Variants in PTPRA observed in about 807,000 individuals in gnomAD.
The protein encoded by PTPRA is protein tyrosine phosphatase receptor type A.
Under a neutral mutation model 104.8 loss-of-function variants are expected in PTPRA, and 25 were observed. The ratio of observed to expected loss-of-function variants is 0.24; its 90% CI spans 0.17 to 0.33. The LOEUF is 0.33. Among genes scored for constraint, PTPRA ranks in the 10% least tolerant of loss-of-function variants. The pLI is 1.00. For missense variants in PTPRA, 765 were observed against 1,015.3 expected (o/e 0.75, Z 3.35); for synonymous variants, 323 against 368.9 (o/e 0.88, Z 1.43).
intron 5 of PTPRA, among the ~76,000 whole-genome samples, chr20:2,970,791 G>T (rs1377600832): frequency 1.3e-5 from 2 of 150,500 alleles, no homozygotes; most frequent in African/African-American, 5.0e-5. Context: ...TTTTCTTCTG[G>T]ACTTCTATGG....
rs371202654 is a variant in PTPRA at position 2,896,236 on chromosome 20, G to T, written c.-129+22476G>T. 2.6e-5 allele frequency among the ~76,000 whole-genome samples: 4 copies of T among 151,990 alleles called. No homozygotes were observed. The East Asian group carries it at 7.7e-4, about 29-fold the overall frequency. ...CTAAAAATACAAAAAAAATTTAGCC[G>T]GGCATGGTGGTGGGTGCCTGTAATC... On this transcript the variant is annotated intron_variant, in intron 1 of 23. Coordinates refer to ENST00000399903, the MANE Select transcript of PTPRA (RefSeq NM_001385305.1).
chr20:3,016,001 T>C (rs1415406952), intron 12 of PTPRA, 116 bp downstream of exon 12: 1 of 985,146 alleles, frequency 1.0e-6, no homozygotes, highest in Non-Finnish European at 1.5e-6. Flanking sequence ...TTCTGTACTT[T>C]TTACCACCTG....
At chr20:2,955,815 C>T (rs1489305687) in intron 3 of PTPRA, 3 of 426,882 alleles carry the variant, frequency 7.0e-6, no homozygotes, top group Non-Finnish European at 9.4e-6. Context: ...CTGTCTTCTT[C>T]CCTTTTTTTG....
intron 1 of PTPRA, among the ~76,000 whole-genome samples, chr20:2,874,348 A>AT (rs548056783): frequency 3.3e-5 from 5 of 151,860 alleles, no homozygotes; most frequent in African/African-American, 4.8e-5. Context: ...TAAATAAAAA[A>AT]TTTTTTTTGA....
chr20:2,951,108 CT>C (rs796830203), intron 3 of PTPRA, among the ~76,000 whole-genome samples: 2,919 of 147,622 alleles, frequency 0.02, 94 homozygotes, highest in African/African-American at 0.064. Context: ...TTCTTTCTTT[CT>C]TTTTTTTTTA....
chr20:3,035,735 T>C lies in PTPRA; in HGVS notation c.2046+25T>C, dbSNP rs2065766386. 1.2e-6 allele frequency: 2 copies of C among 1,614,082 alleles called. No individual in the cohort carries two copies. Among genetic ancestry groups the C allele is most frequent in the Middle Eastern group, 1.6e-4 (1 of 6,080 alleles). On this transcript the variant is annotated intron_variant, in intron 21 of 23. Coordinates refer to ENST00000399903, the MANE Select transcript of PTPRA (RefSeq NM_001385305.1). This position sits in a 1 kb window ranked among gnomAD's most constrained non-coding sequence, Gnocchi z 5.8. Reference sequence around the variant, plus strand: ...GGTAAGATGGGTCGTGGGTGGACTCTGCCCACAGGAAAAGCAGGGTTACCC... The same window carrying C: ...GGTAAGATGGGTCGTGGGTGGACTCCGCCCACAGGAAAAGCAGGGTTACCC...
intron 1 of PTPRA, among the ~76,000 whole-genome samples, chr20:2,909,594 A>C (rs992432627): frequency 2.0e-5 from 3 of 151,606 alleles, no homozygotes; most frequent in Non-Finnish European, 4.4e-5. Flanking sequence ...AAAAACCAAA[A>C]CAAAACAAAC....
At chr20:2,936,361 C>T (rs2060701344) in intron 2 of PTPRA, among the ~76,000 whole-genome samples, 2 of 151,992 alleles carry the variant, frequency 1.3e-5, no homozygotes, top group Non-Finnish European at 2.9e-5. Context: ...CAGGGTCTTG[C>T]TATGTTGCCC....
At chr20:2,929,729 G>A (rs1204368348) in intron 2 of PTPRA, among the ~76,000 whole-genome samples, 1 of 152,158 alleles carries the variant, frequency 6.6e-6, no homozygotes, top group Non-Finnish European at 1.5e-5. Context: ...AGAGCCTGAA[G>A]TGGGAGGATT....
intron 1 of PTPRA, among the ~76,000 whole-genome samples, chr20:2,878,389 A>C (rs902654418): frequency 6.6e-6 from 1 of 151,818 alleles, no homozygotes; most frequent in African/African-American, 2.4e-5. Flanking sequence ...TAATTTTTTT[A>C]TTTTTTGTAG....
chr20:2,921,283 A>G (rs911856580), intron 1 of PTPRA, among the ~76,000 whole-genome samples: 14 of 145,626 alleles, frequency 9.6e-5, no homozygotes, highest in African/African-American at 3.3e-4. Context: ...TGTGAAGCCC[A>G]TTGTCTGATC....
At chr20:2,865,581 C>T in the PTPRA span, 1 of 1,250,440 alleles carries the variant, frequency 8.0e-7, no homozygotes, top group Non-Finnish European at 1.1e-6. This position sits in a 1 kb window ranked among gnomAD's most constrained non-coding sequence, Gnocchi z 5.2. Context: ...ATAGGATGGC[C>T]CGTTCATGCT....
chr20:2,919,811 C>T (rs571337144), intron 1 of PTPRA, among the ~76,000 whole-genome samples: 9 of 152,278 alleles, frequency 5.9e-5, no homozygotes, highest in Admixed American at 2.0e-4. Context: ...CCTGGATTGG[C>T]AAACTACAAC....
chr20:2,938,208 G>A (rs897164354), intron 2 of PTPRA, among the ~76,000 whole-genome samples: 7 of 151,822 alleles, frequency 4.6e-5, no homozygotes, highest in Non-Finnish European at 7.4e-5. Flanking sequence ...TTTTTGAGAC[G>A]GAGTCTTGCT....
chr20:2,968,283 G>A (rs2062018143), intron 5 of PTPRA, among the ~76,000 whole-genome samples: 1 of 152,136 alleles, frequency 6.6e-6, no homozygotes, highest in African/African-American at 2.4e-5. Flanking sequence ...TGTTTACCAG[G>A]TTTGGAGGAT....
chr20:2,969,030 A>G (rs1217970254), intron 5 of PTPRA, among the ~76,000 whole-genome samples: 6 of 152,136 alleles, frequency 3.9e-5, no homozygotes, highest in Non-Finnish European at 4.4e-5. Flanking sequence ...CGACATGGCA[A>G]AACCCTCTGT....
At chr20:3,007,713 C>A (rs1391850861) in intron 11 of PTPRA, among the ~76,000 whole-genome samples, 2 of 152,060 alleles carry the variant, frequency 1.3e-5, no homozygotes, top group African/African-American at 4.8e-5. Context: ...TAATTACAAA[C>A]AAAAGCAGGC....
At chr20:2,976,887 T>A (rs543659093) in intron 6 of PTPRA, among the ~76,000 whole-genome samples, 10 of 152,240 alleles carry the variant, frequency 6.6e-5, no homozygotes, top group Non-Finnish European at 1.5e-4. Context: ...GTGTCTGATG[T>A]TTTAATTGTC....
chr20:2,877,254 T>C (rs2089779468), intron 1 of PTPRA, among the ~76,000 whole-genome samples: 1 of 152,100 alleles, frequency 6.6e-6, no homozygotes, highest in Non-Finnish European at 1.5e-5. Context: ...GTTTTTTGTT[T>C]GTTTGTTTGT....
Sources: gnomAD v4.1 joint callset for allele counts (sites outside exome capture counted in the v4.1 genomes callset) on GRCh38, gnomAD v4.1.1 for gene constraint, Gnocchi (gnomAD v3.1) non-coding constraint, MANE v1.5 for transcripts, NCBI Gene and HGNC (gene_info 2026-07-23, HGNC 2026-07-21) for gene names.